The following ABCA4 variants were observed in gnomAD, a reference collection of about 807,000 sequenced individuals.
The protein encoded by ABCA4 is ATP binding cassette subfamily A member 4, also known as retinal-specific phospholipid-transporting ATPase ABCA4.
ABCA4 carries 196 observed loss-of-function variants against 263.7 expected under a neutral mutation model. The ratio of observed to expected loss-of-function variants is 0.74; its 90% CI spans 0.66 to 0.84. The LOEUF is 0.84. Ranked by LOEUF, ABCA4 falls within the 40% of genes least tolerant of loss-of-function variation. ABCA4 has a pLI of 0.00. For missense variants in ABCA4, 2,792 were observed against 2,855.1 expected (o/e 0.98, Z 0.50); for synonymous variants, 1,133 against 1,094.2 (o/e 1.04, Z -0.70).
chr1:94,056,616 C>T lies in ABCA4; in HGVS notation c.2367G>A (p.Glu789=). The stretch of plus-strand genomic sequence containing the variant: ...AGGGCCTCACCACAGCCTTCTTCAG[C>T]TCAGCGGTCATGCGGTCCTGCCAGG... ...CFAWQDRMTA[E]LKKAVSLLSP... is the part of the protein sequence containing the mutation. The change falls in exon 15 of 50, where the codon GAG becomes GAA. Residue 789 remains glutamate (E), a synonymous_variant. Transcript: ENST00000370225. 1 of 1,613,098 alleles carries T rather than the reference C, an allele frequency of 6.2e-7. No individual in the cohort carries two copies.
intron 36 of ABCA4, among the ~76,000 whole-genome samples, chr1:94,016,857 C>T (rs550437878): frequency 6.6e-6 from 1 of 152,268 alleles, no homozygotes; most frequent in South Asian, 2.1e-4. Context: ...CCACTTCCCA[C>T]TGGCAGGAAC....
chr1:94,019,523 C>A, intron 36 of ABCA4, 59 bp downstream of exon 36: 1 of 1,532,482 alleles, frequency 6.5e-7, no homozygotes, highest in Non-Finnish European at 8.8e-7. Flanking sequence ...CTTCAGAGCA[C>A]ACACAAGCTC....
chr1:94,043,163 A>G (rs1660565599), intron 21 of ABCA4, among the ~76,000 whole-genome samples, 173 bp downstream of exon 21: 1 of 152,228 alleles, frequency 6.6e-6, no homozygotes, highest in South Asian at 2.1e-4. Flanking sequence ...GCTGTGAGAC[A>G]GTGCTCTGCA....
chr1:94,071,727 C>T (rs1570400941), intron 11 of ABCA4, among the ~76,000 whole-genome samples: 1 of 152,350 alleles, frequency 6.6e-6, no homozygotes, highest in East Asian at 1.9e-4. Context: ...TTTGGACCTC[C>T]ACCCATGACC....
At chr1:94,011,101 C>T (rs1387865395) in intron 39 of ABCA4, among the ~76,000 whole-genome samples, 161 bp downstream of exon 39, 1 of 152,162 alleles carries the variant, frequency 6.6e-6, no homozygotes, top group Non-Finnish European at 1.5e-5. Flanking sequence ...GCCATGGAAA[C>T]AGAGGCACCC....
intron 24 of ABCA4, 38 bp downstream of exon 24, chr1:94,040,005 G>T (rs775338080): frequency 6.5e-7 from 1 of 1,529,340 alleles, no homozygotes. Flanking sequence ...GGAGATGGCT[G>T]CCAGACGGAA....
intron 23 of ABCA4, 56 bp downstream of exon 23, chr1:94,041,153 C>A (rs1363618853): frequency 6.3e-7 from 1 of 1,587,102 alleles, no homozygotes; most frequent in Non-Finnish European, 8.6e-7. Context: ...GTGGCAGCCC[C>A]GTGCTGTGTG....
intron 11 of ABCA4, among the ~76,000 whole-genome samples, chr1:94,075,561 G>T (rs114928025): frequency 0.019 from 2,943 of 152,254 alleles, 91 homozygotes; most frequent in African/African-American, 0.068. Context: ...CAGGGCAACA[G>T]AAAGTCCTCA....
At chr1:93,994,917 G>C (rs185089453) in intron 49 of ABCA4, among the ~76,000 whole-genome samples, 2 of 152,292 alleles carry the variant, frequency 1.3e-5, no homozygotes, top group Admixed American at 1.3e-4. Flanking sequence ...GGAGACCATT[G>C]GTAATTCTGG....
At chr1:94,113,103 G>A in intron 1 of ABCA4, 37 bp from the exon 2 acceptor site, 1 of 1,588,414 alleles carries the variant, frequency 6.3e-7, no homozygotes, top group Non-Finnish European at 8.6e-7. Context: ...AAGTTCAGTG[G>A]TGCTAAGAGA....
intron 19 of ABCA4, among the ~76,000 whole-genome samples, chr1:94,046,462 A>AC: frequency 1.4e-5 from 2 of 146,904 alleles, no homozygotes; most frequent in African/African-American, 2.5e-5. Context: ...TCTCAAAAAA[A>AC]AAAAAAAAAA....
intron 17 of ABCA4, among the ~76,000 whole-genome samples, chr1:94,050,742 T>A (rs1249371428): frequency 6.6e-6 from 1 of 152,092 alleles, no homozygotes; most frequent in Admixed American, 6.5e-5. Flanking sequence ...GTTAAAGTGT[T>A]GTTTGTTTGA....
chr1:94,021,805 A>C (rs747733283), intron 33 of ABCA4, 41 bp downstream of exon 33: 3 of 1,608,828 alleles, frequency 1.9e-6, no homozygotes. Flanking sequence ...GTAGTTAAGC[A>C]AGTCAAAAAT....
At chr1:94,025,700 A>G (rs896896566) in intron 30 of ABCA4, 3 of 161,682 alleles carry the variant, frequency 1.9e-5, no homozygotes, top group Admixed American at 5.7e-5. Flanking sequence ...CCTCGGAGAA[A>G]TGTTCCTGGT....
intron 14 of ABCA4, among the ~76,000 whole-genome samples, chr1:94,059,277 G>A (rs377042753): frequency 4.7e-4 from 72 of 152,302 alleles, no homozygotes; most frequent in African/African-American, 1.7e-3. Context: ...ATAAGGACAA[G>A]GGGCTCAGCT....
chr1:94,091,838 G>T (rs1324904635), intron 6 of ABCA4, among the ~76,000 whole-genome samples: 1 of 152,194 alleles, frequency 6.6e-6, no homozygotes, highest in East Asian at 1.9e-4. Context: ...ATTGATATAA[G>T]GTCCTAGGCA....
At chr1:94,024,899 G>T in intron 31 of ABCA4, 55 bp downstream of exon 31, 1 of 1,414,156 alleles carries the variant, frequency 7.1e-7, no homozygotes, top group Non-Finnish European at 1.0e-6. Flanking sequence ...TCTGTCCCTA[G>T]TTAATATCTT....
Position 94,046,964 on chromosome 1 carries a change from A to G in ABCA4, c.2873T>C (p.Ile958Thr), listed in dbSNP as rs754082669. 1 of 1,614,168 alleles carries G rather than the reference A, an allele frequency of 6.2e-7. No individual in the cohort carries two copies. The change falls in exon 19 of 50, where the codon ATC becomes ACC. Residue 958 changes from isoleucine to threonine, a missense_variant. Transcript: ENST00000370225. ...TCCATTGTGGCCCAGGAATGCGGTG[A>G]TCTGGTTCTCGTAGAAGGTGATGTT... The part of the protein sequence containing the change: ...RLNITFYENQ[I>T]TAFLGHNGAG...
At chr1:94,051,721 A>G in intron 16 of ABCA4, 23 bp from the exon 17 acceptor site, 3 of 1,591,754 alleles carry the variant, frequency 1.9e-6, no homozygotes, top group Non-Finnish European at 2.6e-6. Context: ...ACAAATAAAC[A>G]GAGAAAGTCG....
Sources: allele counts gnomAD v4.1 joint callset (sites outside exome capture counted in the v4.1 genomes callset), GRCh38; gene constraint gnomAD v4.1.1; transcripts MANE v1.5; gene names NCBI Gene and HGNC (gene_info 2026-07-23, HGNC 2026-07-21).